The following EPB41L1 variants were observed in gnomAD, a reference collection of about 807,000 sequenced individuals.
The protein encoded by EPB41L1 is erythrocyte membrane protein band 4.1 like 1, also known as band 4.1-like protein 1.
In EPB41L1, 29 loss-of-function variants were observed where a neutral mutation model predicts 97.8. That is an observed-to-expected ratio of 0.30 (90% CI 0.22 to 0.40). The LOEUF (loss-of-function observed/expected upper bound fraction) is 0.40. Among genes scored for constraint, EPB41L1 ranks in the 10% least tolerant of loss-of-function variants. The probability of loss-of-function intolerance (pLI) is 1.00; values close to 1 mark genes in which losing one functional copy is unlikely to be tolerated. For missense variants in EPB41L1, 812 were observed against 1,162.3 expected (o/e 0.70, Z 4.38); for synonymous variants, 383 against 459.2 (o/e 0.83, Z 2.12).
At chr20:36,119,670 G>A (rs1448624642) in intron 2 of EPB41L1, among the ~76,000 whole-genome samples, 1 of 150,490 alleles carries the variant, frequency 6.6e-6, no homozygotes, top group Non-Finnish European at 1.5e-5. Context: ...GGGAGAGGAG[G>A]GGAAGGGAGG....
At chr20:36,144,379 C>A (rs998628364) in intron 2 of EPB41L1, among the ~76,000 whole-genome samples, 3 of 152,196 alleles carry the variant, frequency 2.0e-5, no homozygotes, top group Middle Eastern at 3.2e-3. Context: ...GTACCATTTT[C>A]CATACCCTCT....
rs6060806 is a variant in EPB41L1, at chr20:36,120,182, T to A, written c.-10+7702T>A. ...GCCAGGCGTGGTTATAAGTGATTCA[T>A]TTCTGTATCACTTAAAGTCATTTAA... On this transcript the variant is annotated intron_variant, in intron 2 of 19. Coordinates refer to the EPB41L1 transcript ENST00000202028. Among the ~76,000 whole-genome samples the A allele has an allele frequency of 3.3e-3, 496 of 152,368 alleles. 9 individuals are homozygous for A. The highest frequency in any genetic ancestry group is 0.011 in the African/African-American group (469 of 41,590).
intron 2 of EPB41L1, among the ~76,000 whole-genome samples, chr20:36,138,550 C>G (rs2059507561): frequency 6.6e-6 from 1 of 152,220 alleles, no homozygotes; most frequent in African/African-American, 2.4e-5. Flanking sequence ...GCATGAGCCA[C>G]CACATCCAGC....
intron 1 of EPB41L1, among the ~76,000 whole-genome samples, chr20:36,161,260 C>T (rs1474571684): frequency 2.6e-5 from 4 of 152,168 alleles, no homozygotes; most frequent in Admixed American, 6.5e-5. Flanking sequence ...TTGGGCTGTG[C>T]AGCTGCCCAC....
At chr20:36,109,644 GA>G (rs2147574480) in intron 1 of EPB41L1, 1 of 152,316 alleles carries the variant, frequency 6.6e-6, no homozygotes, top group East Asian at 1.9e-4. Context: ...TGCTTTGTAT[GA>G]TACCTCAAGA....
At chr20:36,137,587 C>T (rs994030998) in intron 2 of EPB41L1, among the ~76,000 whole-genome samples, 4 of 152,008 alleles carry the variant, frequency 2.6e-5, no homozygotes, top group Non-Finnish European at 5.9e-5. Context: ...TGCAATGGCG[C>T]GATCTTGGCT....
rs139327316 is a variant in EPB41L1 at position 36,114,161 on chromosome 20, C to T, written c.-10+1681C>T. Among the ~76,000 whole-genome samples the T allele has an allele frequency of 2.7e-4, 41 of 152,290 alleles. No homozygotes were observed. In the South Asian group the frequency reaches 3.1e-3, roughly 12 times the overall value. ...TCTGTAGAATGCAGATGAACACATC[C>T]GCCCTAGCTACTTCTCAGTGCTTTT... On this transcript the variant is annotated intron_variant, in intron 2 of 19. Coordinates refer to the EPB41L1 transcript ENST00000202028.
chr20:36,226,654 G>A (rs372720846), intron 21 of EPB41L1, among the ~76,000 whole-genome samples: 2 of 152,254 alleles, frequency 1.3e-5, no homozygotes, highest in African/African-American at 2.4e-5. Context: ...CTACCACATC[G>A]CGAGTGCTTA....
intron 5 of EPB41L1, 66 bp downstream of exon 5, chr20:36,178,738 T>A: frequency 6.7e-7 from 1 of 1,498,412 alleles, no homozygotes; most frequent in Non-Finnish European, 9.3e-7. Context: ...AGAGCCCCCC[T>A]TGTACTGCTC....
intron 17 of EPB41L1, among the ~76,000 whole-genome samples, chr20:36,216,919 C>T (rs1176864015): frequency 2.6e-5 from 4 of 152,130 alleles, no homozygotes; most frequent in Admixed American, 1.3e-4. Flanking sequence ...AAGATGAGCT[C>T]GTGACACCGT....
chr20:36,130,789 C>T lies in EPB41L1; in HGVS notation c.-10+18309C>T, dbSNP rs151176789. Among the ~76,000 whole-genome samples, 1,245 of 140,654 alleles carry T rather than the reference C, an allele frequency of 8.9e-3. 24 individuals are homozygous for T. The highest frequency in any genetic ancestry group is 0.031 in the African/African-American group (1,163 of 37,238). The allele number at this position is 140,654 out of a possible 152,430, so 92.3% of individuals were successfully genotyped here. On this transcript the variant is annotated intron_variant, in intron 2 of 19. Transcript: ENST00000202028. Reference sequence around the variant, plus strand: ...CTCTCTATTTGATTTTTAAAAATTTCTCTCTCTCTCTCTCTCTCTCTCTCT... The same window carrying T: ...CTCTCTATTTGATTTTTAAAAATTTTTCTCTCTCTCTCTCTCTCTCTCTCT...
At chr20:36,131,034 G>T (rs1446312195) in intron 2 of EPB41L1, among the ~76,000 whole-genome samples, 2 of 149,800 alleles carry the variant, frequency 1.3e-5, no homozygotes, top group Non-Finnish European at 3.0e-5. Flanking sequence ...GGAGTGCAAT[G>T]GCTCAATCTT....
In EPB41L1 at chr20:36,195,463, A is replaced by G; in HGVS notation, c.1485+99A>G. 7.1e-7 allele frequency: 1 copy of G among 1,407,732 alleles called. No individual in the cohort carries two copies. 87.2% of individuals were successfully genotyped at this position (1,407,732 alleles called of 1,614,324 possible). A position where few individuals can be genotyped will look rare whatever the true frequency, so the allele number is the denominator to read the frequency against. On this transcript the variant is annotated intron_variant, in intron 13 of 21. Transcript: ENST00000338074. The surrounding 1 kb of genome is among the most constrained non-coding windows in gnomAD (Gnocchi z 4.6). ...ATCCCAGGCTCACTTCCCTGGCACC[A>G]TCTCAGCTTCAACTTCATCTCTGCT...
At chr20:36,122,287 G>A (rs1031968269) in intron 2 of EPB41L1, among the ~76,000 whole-genome samples, 8 of 152,222 alleles carry the variant, frequency 5.3e-5, no homozygotes, top group Non-Finnish European at 7.3e-5. Flanking sequence ...AGGAGGGGGC[G>A]ATGCAGAGGG....
chr20:36,150,441 A>G (rs548981445), upstream of EPB41L1: 6 of 152,166 alleles, frequency 3.9e-5, no homozygotes, highest in Non-Finnish European at 8.8e-5. Context: ...TATTTGAACG[A>G]GCCACATTTC....
chr20:36,127,428 G>C (rs1246573555), intron 2 of EPB41L1, among the ~76,000 whole-genome samples: 1 of 152,202 alleles, frequency 6.6e-6, no homozygotes, highest in Non-Finnish European at 1.5e-5. Context: ...TGAGGTGAGA[G>C]ACGAGTAAGG....
chr20:36,207,503 G>A lies in EPB41L1; in HGVS notation c.1669-1985G>A. 2 of 1,289,860 alleles carry A rather than the reference G, an allele frequency of 1.6e-6. No homozygotes were observed. Among genetic ancestry groups the A allele is most frequent in the Non-Finnish European group, 2.0e-6 (2 of 988,888 alleles). 79.9% of individuals were successfully genotyped at this position (1,289,860 alleles called of 1,614,324 possible). ...GCTGAAACTCGCCGAATGAGTGAGGGTGAAGCAAGGTCCCTTCCAAATGAC... is the reference window on the plus strand; with the variant it reads ...GCTGAAACTCGCCGAATGAGTGAGGATGAAGCAAGGTCCCTTCCAAATGAC... On this transcript the variant is annotated intron_variant, in intron 14 of 21. Transcript: ENST00000338074. The surrounding 1 kb of genome is among the most constrained non-coding windows in gnomAD (Gnocchi z 4.9).
At position 36,206,524 on chromosome 20, in the gene EPB41L1, C is replaced by G. The variant is rs746820566; in HGVS notation, c.1669-2964C>G. On this transcript the variant is annotated intron_variant, in intron 14 of 21. Coordinates refer to ENST00000338074, the MANE Select transcript of EPB41L1 (RefSeq NM_012156.2). The surrounding 1 kb of genome is among the most constrained non-coding windows in gnomAD (Gnocchi z 5.5). ...AGAAGACCAAGTCCTCCCTCCACCC[C>G]TGGAGGAGAGAAAAGGGCGCCTGGA... is the stretch of plus-strand genomic sequence containing the variant. 7.8e-7 allele frequency: 1 copy of G among 1,289,710 alleles called. No homozygotes were observed. The highest frequency in any genetic ancestry group is 1.0e-6 in the Non-Finnish European group (1 of 988,862). The allele number at this position is 1,289,710 out of a possible 1,614,324, so 79.9% of individuals were successfully genotyped here. A position where few individuals can be genotyped will look rare whatever the true frequency, so the allele number is the denominator to read the frequency against.
At chr20:36,097,621 C>T (rs1000873945) in intron 1 of EPB41L1, among the ~76,000 whole-genome samples, 2 of 152,166 alleles carry the variant, frequency 1.3e-5, no homozygotes, top group African/African-American at 2.4e-5. Context: ...GCAATACCAC[C>T]GCAAGGACAA....
Sources: allele counts gnomAD v4.1 joint callset (sites outside exome capture counted in the v4.1 genomes callset), GRCh38; gene constraint gnomAD v4.1.1; non-coding constraint Gnocchi (gnomAD v3.1); transcripts MANE v1.5; gene names NCBI Gene and HGNC (gene_info 2026-07-23, HGNC 2026-07-21).